Variants in ANK3 observed in about 807,000 individuals in gnomAD.
ANK3 encodes the protein ankyrin 3.
In ANK3, 57 loss-of-function variants were observed where a neutral mutation model predicts 370.9. The observed-to-expected ratio is 0.15, with a 90% CI of 0.12 to 0.19. The LOEUF (loss-of-function observed/expected upper bound fraction) is 0.19. Among genes scored for constraint, ANK3 ranks in the 10% least tolerant of loss-of-function variants. The pLI, the probability that ANK3 is intolerant of heterozygous loss-of-function variation, is 1.00. For synonymous variants in ANK3, 1,929 were observed against 1,946.3 expected, an observed-to-expected ratio of 0.99 and a Z score of 0.23; for missense variants, 4,439 against 5,302.1, an observed-to-expected ratio of 0.84 and a Z score of 5.06.
At chr10:60,472,501 A>C (rs1020021508) in intron 2 of ANK3, among the ~76,000 whole-genome samples, 24 of 152,188 alleles carry the variant, frequency 1.6e-4, no homozygotes, top group African/African-American at 5.3e-4. Context: ...GAAATGCTTG[A>C]TTTAATAAAG....
intron 2 of ANK3, among the ~76,000 whole-genome samples, chr10:60,408,679 AAAGT>A (rs779497279): frequency 1.3e-4 from 20 of 152,330 alleles, no homozygotes; most frequent in Middle Eastern, 3.4e-3. Context: ...AACATAAAAG[AAAGT>A]ATCAATCTCT....
chr10:60,592,885 T>C (rs1190258228), intron 2 of ANK3, among the ~76,000 whole-genome samples: 1 of 152,234 alleles, frequency 6.6e-6, no homozygotes, highest in African/African-American at 2.4e-5. Flanking sequence ...ACTGGCTAAA[T>C]ATAACAAGAA....
chr10:60,086,982 ACAG>A, intron 29 of ANK3, 98 bp from the exon 30 acceptor site: 1 of 403,392 alleles, frequency 2.5e-6, no homozygotes. Flanking sequence ...AAAAACAAAA[ACAG>A]ACAACCAAAA....
At chr10:60,545,006 T>C (rs2076929278) in intron 2 of ANK3, among the ~76,000 whole-genome samples, 1 of 152,214 alleles carries the variant, frequency 6.6e-6, no homozygotes, top group South Asian at 2.1e-4. Flanking sequence ...CCTTCTTGAT[T>C]CTTCCCCGGA....
intron 1 of ANK3, among the ~76,000 whole-genome samples, chr10:60,333,322 C>T (rs2051863770): frequency 6.6e-6 from 1 of 151,984 alleles, no homozygotes; most frequent in African/African-American, 2.4e-5. Flanking sequence ...CCGACAGGCC[C>T]CAGTGTGTGA....
At chr10:60,475,055 C>A (rs2075023832) in intron 2 of ANK3, among the ~76,000 whole-genome samples, 1 of 152,054 alleles carries the variant, frequency 6.6e-6, no homozygotes, top group Admixed American at 6.6e-5. Flanking sequence ...CAGGAGCTAC[C>A]ATTCACATCC....
At chr10:60,653,846 T>G (rs2078825702) in intron 1 of ANK3, among the ~76,000 whole-genome samples, 1 of 152,158 alleles carries the variant, frequency 6.6e-6, no homozygotes. Context: ...GCAGCTTGGG[T>G]GACAGAGCAA....
rs562627936 is a variant in ANK3 at position 60,122,781 on chromosome 10, T to C, written c.2842-8450A>G. 1.3e-4 allele frequency among the ~76,000 whole-genome samples: 20 copies of C among 152,346 alleles called. No homozygotes were observed. The East Asian group carries it at 3.9e-3, about 29-fold the overall frequency. On this transcript the variant is annotated intron_variant, in intron 25 of 43. Coordinates refer to ENST00000280772, the MANE Select transcript of ANK3 (RefSeq NM_020987.5). ...TTATATTAGCTCATTTGTCACAATCTGATCATTTATGGTGGAAAACAGCAA... is the reference window on the plus strand; with the variant it reads ...TTATATTAGCTCATTTGTCACAATCCGATCATTTATGGTGGAAAACAGCAA...
chr10:60,588,093 C>G (rs1450608127), intron 2 of ANK3, among the ~76,000 whole-genome samples: 1 of 151,412 alleles, frequency 6.6e-6, no homozygotes, highest in African/African-American at 2.4e-5. Context: ...GGAAAGCACA[C>G]AATAGCACCT....
chr10:60,532,618 T>C (rs996071060), intron 2 of ANK3, among the ~76,000 whole-genome samples: 2 of 151,930 alleles, frequency 1.3e-5, no homozygotes, highest in African/African-American at 4.8e-5. Context: ...AACTGCAGGG[T>C]TCTCATGCAG....
At chr10:60,504,025 A>T (rs559442225) in intron 2 of ANK3, among the ~76,000 whole-genome samples, 50 of 152,370 alleles carry the variant, frequency 3.3e-4, no homozygotes, top group African/African-American at 1.2e-3. Flanking sequence ...ATGTTGAGTT[A>T]AAAATACAAA....
chr10:60,447,827 T>G (rs758465950), intron 2 of ANK3, among the ~76,000 whole-genome samples: 1 of 152,052 alleles, frequency 6.6e-6, no homozygotes, highest in Non-Finnish European at 1.5e-5. Context: ...CCTCCTTGAG[T>G]GACTTAACCT....
chr10:60,120,013 T>G (rs2093368224), intron 25 of ANK3, among the ~76,000 whole-genome samples: 2 of 152,116 alleles, frequency 1.3e-5, no homozygotes, highest in Admixed American at 1.3e-4. Flanking sequence ...AAAGCTATCC[T>G]AAGTAAAAAG....
At chr10:60,033,068 T>C (rs1394803740) in intron 43 of ANK3, among the ~76,000 whole-genome samples, 1 of 152,236 alleles carries the variant, frequency 6.6e-6, no homozygotes, top group African/African-American at 2.4e-5. Context: ...GGATATGAGA[T>C]AGATGCAGTT....
intron 1 of ANK3, among the ~76,000 whole-genome samples, chr10:60,652,999 T>G (rs1184878128): frequency 6.6e-6 from 1 of 152,170 alleles, no homozygotes; most frequent in Non-Finnish European, 1.5e-5. Context: ...ATTTGTGAAG[T>G]ATCTTTTCTT....
chr10:60,069,582 C>T lies in ANK3; in HGVS notation c.11299G>A (p.Ala3767Thr). The T allele has an allele frequency of 6.2e-7, 1 of 1,613,826 alleles. No individual in the cohort carries two copies. Among genetic ancestry groups the T allele is most frequent in the Non-Finnish European group, 8.5e-7 (1 of 1,179,966 alleles). ...NETITMISNTANSQMGVRPHE... is the reference protein window; with the variant it reads ...NETITMISNTTNSQMGVRPHE... ...GGCCTAACGCCCATCTGGCTATTGG[C>T]TGTATTTGAAATCATTGTTATAGTT... is the stretch of plus-strand genomic sequence containing the variant. The change falls in exon 37 of 44, where the codon GCC becomes ACC. Residue 3767 changes from alanine to threonine, a missense_variant. Coordinates refer to ENST00000280772, the MANE Select transcript of ANK3 (RefSeq NM_020987.5).
chr10:60,086,582 G>T, intron 30 of ANK3, 95 bp downstream of exon 30: 2 of 1,045,070 alleles, frequency 1.9e-6, no homozygotes, highest in Non-Finnish European at 2.7e-6. Flanking sequence ...ATGTTGGCAT[G>T]GATATTTCAA....
chr10:60,282,083 C>A (rs1419981779), intron 1 of ANK3, among the ~76,000 whole-genome samples: 2 of 152,166 alleles, frequency 1.3e-5, no homozygotes, highest in African/African-American at 2.4e-5. Flanking sequence ...AAAATATCAT[C>A]TTCTTTGTGC....
rs1275333130 is a variant in ANK3, at chr10:60,624,450, T to C, written c.58-9226A>G. Among the ~76,000 whole-genome samples, 3 of 152,156 alleles carry C rather than the reference T, an allele frequency of 2.0e-5. No homozygotes were observed. In the South Asian group the frequency reaches 6.2e-4, roughly 31 times the overall value. Reference sequence around the variant, plus strand: ...CACTGGGAAAGAACAACTGGAAGCTTGGAGCTCTTCTAGACCCTGATCTGT... The same window carrying C: ...CACTGGGAAAGAACAACTGGAAGCTCGGAGCTCTTCTAGACCCTGATCTGT... On this transcript the variant is annotated intron_variant, in intron 1 of 43. Coordinates refer to the ANK3 transcript ENST00000373827.
Sources: allele counts gnomAD v4.1 joint callset (sites outside exome capture counted in the v4.1 genomes callset), GRCh38; gene constraint gnomAD v4.1.1; transcripts MANE v1.5; gene names NCBI Gene and HGNC (gene_info 2026-07-23, HGNC 2026-07-21).